Variants in SPOCK2 observed in about 807,000 individuals in gnomAD.
The protein encoded by SPOCK2 is SPARC (osteonectin), cwcv and kazal like domains proteoglycan 2.
SPOCK2 carries 39 observed loss-of-function variants against 60.1 expected under a neutral mutation model. The observed-to-expected ratio is 0.65, with a 90% CI of 0.50 to 0.85. The LOEUF is 0.85. SPOCK2 is among the 40% of genes least tolerant of loss of function. The probability of loss-of-function intolerance (pLI) is 0.00; values close to 1 mark genes in which losing one functional copy is unlikely to be tolerated. For missense variants in SPOCK2, 523 were observed against 567.4 expected (o/e 0.92, Z 0.80); for synonymous variants, 217 against 231.5 (o/e 0.94, Z 0.57).
intron 5 of SPOCK2, chr10:72,069,336 C>G (rs1232455119): frequency 6.6e-6 from 1 of 152,398 alleles, no homozygotes; most frequent in East Asian, 1.9e-4. Context: ...AAATCTGCAT[C>G]TCACTCCAAG....
chr10:72,067,273 G>A (rs1044391701), intron 7 of SPOCK2, among the ~76,000 whole-genome samples, 153 bp from the exon 8 acceptor site: 3 of 152,170 alleles, frequency 2.0e-5, no homozygotes, highest in African/African-American at 7.2e-5. Context: ...CGAGAACGGC[G>A]AAAGGTCCTT....
chr10:72,080,893 G>A (rs1366139464), intron 1 of SPOCK2, among the ~76,000 whole-genome samples: 1 of 152,168 alleles, frequency 6.6e-6, no homozygotes, highest in Non-Finnish European at 1.5e-5. Context: ...CTGGTCCAGT[G>A]GCATCTTGGT....
Position 72,062,738 on chromosome 10 carries a change from G to C in SPOCK2, c.*22C>G. 1 of 1,588,688 alleles carries C rather than the reference G, an allele frequency of 6.3e-7. No individual in the cohort carries two copies. Among genetic ancestry groups the C allele is most frequent in the Non-Finnish European group, 8.5e-7 (1 of 1,174,052 alleles). On this transcript the variant is annotated 3_prime_UTR_variant, in exon 11 of 11. Transcript: ENST00000373109. This position sits in a 1 kb window ranked among gnomAD's most constrained non-coding sequence, Gnocchi z 4.3. ...AGAGCTCTGCTGTTGAGTCCCCCCC[G>C]GCAGCCGGCTCCTGAGGGCGTCTAC... is the stretch of plus-strand genomic sequence containing the variant.
intron 1 of SPOCK2, among the ~76,000 whole-genome samples, chr10:72,074,669 C>CT (rs1314345500): frequency 6.6e-6 from 1 of 152,212 alleles, no homozygotes; most frequent in Non-Finnish European, 1.5e-5. Context: ...GCTGGCCTTC[C>CT]TGCCTCTTCC....
intron 1 of SPOCK2, among the ~76,000 whole-genome samples, chr10:72,079,185 A>G (rs542273541): frequency 6.6e-6 from 1 of 152,320 alleles, no homozygotes; most frequent in South Asian, 2.1e-4. Context: ...AGAGTGCTGC[A>G]CCCAGAACTG....
At chr10:72,077,400 G>A (rs1840727322) in intron 1 of SPOCK2, among the ~76,000 whole-genome samples, 1 of 152,134 alleles carries the variant, frequency 6.6e-6, no homozygotes, top group Non-Finnish European at 1.5e-5. Context: ...AAAGCACTGG[G>A]GTTACAGGCA....
chr10:72,067,432 G>C (rs1564546495), intron 7 of SPOCK2, among the ~76,000 whole-genome samples, 181 bp downstream of exon 7: 1 of 152,144 alleles, frequency 6.6e-6, no homozygotes, highest in Non-Finnish European at 1.5e-5. Flanking sequence ...CTAGCTAACT[G>C]GTATCCCTCC....
At chr10:72,064,791 C>A (rs924653856) in intron 8 of SPOCK2, among the ~76,000 whole-genome samples, 4 of 152,046 alleles carry the variant, frequency 2.6e-5, no homozygotes, top group African/African-American at 9.7e-5. Flanking sequence ...AGTGCATTGG[C>A]GCGATCTCGG....
chr10:72,074,725 C>A (rs769504935), intron 1 of SPOCK2, among the ~76,000 whole-genome samples: 1 of 152,156 alleles, frequency 6.6e-6, no homozygotes, highest in Non-Finnish European at 1.5e-5. Context: ...ATGGGGAGGG[C>A]GGGAGGACCG....
At chr10:72,064,855 C>T (rs1462944882) in intron 8 of SPOCK2, among the ~76,000 whole-genome samples, 3 of 151,572 alleles carry the variant, frequency 2.0e-5, no homozygotes, top group East Asian at 1.9e-4. Flanking sequence ...CTCAGCCTCC[C>T]GAGCAGCTGG....
rs116578657 is a variant in SPOCK2, at chr10:72,082,298, G to A, written c.189+5842C>T. 3.1e-3 allele frequency among the ~76,000 whole-genome samples: 471 copies of A among 152,348 alleles called. 3 individuals are homozygous for A. Among genetic ancestry groups the A allele is most frequent in the African/African-American group, 0.01 (435 of 41,574 alleles). On this transcript the variant is annotated intron_variant, in intron 1 of 10. Coordinates refer to ENST00000373109, the MANE Select transcript of SPOCK2 (RefSeq NM_001244950.2). ...GGCCAGGTCTGCACACTGAGGCTGG[G>A]CACAGTGGTATCTAAACTGTGTATG... is the stretch of plus-strand genomic sequence containing the variant.
chr10:72,070,494 G>A, intron 4 of SPOCK2, 68 bp from the exon 5 acceptor site: 1 of 1,481,836 alleles, frequency 6.7e-7, no homozygotes, highest in Non-Finnish European at 9.4e-7. Flanking sequence ...GGAAGGGAGG[G>A]CTGAGCAGAC....
rs767656881 is a variant in SPOCK2, at chr10:72,072,566, A to G, written c.199-18T>C. ...TAGTCATCCTAGAGGACAGAGAGGG[A>G]CAAGGGAGAAGGGAAAGGCTAAGAT... On this transcript the variant is annotated intron_variant, in intron 2 of 10. Transcript: ENST00000373109. 6.2e-7 allele frequency: 1 copy of G among 1,613,874 alleles called. No homozygotes were observed. Among genetic ancestry groups the G allele is most frequent in the South Asian group, 1.1e-5 (1 of 91,046 alleles).
At chr10:72,078,946 C>A (rs965177406) in intron 1 of SPOCK2, among the ~76,000 whole-genome samples, 5 of 152,194 alleles carry the variant, frequency 3.3e-5, no homozygotes, top group Admixed American at 6.5e-5. Context: ...TCTCTCTATG[C>A]CCAACATCTA....
rs1294931341 is a variant in SPOCK2, at chr10:72,087,346, G to A, written c.189+794C>T. Among the ~76,000 whole-genome samples the A allele has an allele frequency of 6.6e-6, 1 of 152,012 alleles. No individual in the cohort carries two copies. Among genetic ancestry groups the A allele is most frequent in the African/African-American group, 2.4e-5 (1 of 41,400 alleles). ...AAGGTTACGCCGGGGTTCGGGCGGC[G>A]CCCGCCGGGGGCCCCCAAACCCAGC... On this transcript the variant is annotated intron_variant, in intron 1 of 10. Transcript: ENST00000373109. This position sits in a 1 kb window ranked among gnomAD's most constrained non-coding sequence, Gnocchi z 4.7.
chr10:72,072,921 G>T lies in SPOCK2; in HGVS notation c.190-11C>A. On this transcript the variant is annotated splice_polypyrimidine_tract_variant and intron_variant, in intron 1 of 10. Coordinates refer to ENST00000373109, the MANE Select transcript of SPOCK2 (RefSeq NM_001244950.2). The stretch of plus-strand genomic sequence containing the variant: ...ACTCACCTCCACTTCCTGGAGATCA[G>T]GGAACAGCAGCAGGCCATGGAAAAC... The T allele has an allele frequency of 6.4e-7, 1 of 1,554,984 alleles. No homozygotes were observed. The highest frequency in any genetic ancestry group is 2.4e-5 in the East Asian group (1 of 41,244).
In SPOCK2 at chr10:72,062,406, A is replaced by G. The variant is rs1589115916; in HGVS notation, c.*354T>C. On this transcript the variant is annotated 3_prime_UTR_variant, in exon 11 of 11. Transcript: ENST00000373109. The surrounding 1 kb of genome is among the most constrained non-coding windows in gnomAD (Gnocchi z 4.3). ...CATGGATTTTGACCTGTCAATTTGT[A>G]TTTGTGTGTGAATGTATTTTAAAAC... 3.8e-6 allele frequency: 1 copy of G among 264,712 alleles called. No individual in the cohort carries two copies. The highest frequency in any genetic ancestry group is 2.2e-5 in the African/African-American group (1 of 44,606). The allele number at this position is 264,712 out of a possible 1,614,324, so 16.4% of individuals were successfully genotyped here.
intron 9 of SPOCK2, among the ~76,000 whole-genome samples, chr10:72,063,542 C>T (rs894116482): frequency 3.9e-5 from 6 of 152,218 alleles, no homozygotes; most frequent in Non-Finnish European, 5.9e-5. Flanking sequence ...GCTAGGAAGG[C>T]CCAGCCTTCT....
At position 72,065,194 on chromosome 10, in the gene SPOCK2, C is replaced by A. The variant is rs12263361; in HGVS notation, c.929-954G>T. On this transcript the variant is annotated intron_variant, in intron 8 of 10. Coordinates refer to ENST00000373109, the MANE Select transcript of SPOCK2 (RefSeq NM_001244950.2). Reference sequence around the variant, plus strand: ...GAGATTACAGGCACCTGCCACCATGCCTGGCTAATTTTTGTATTTTTAGTA... The same window carrying A: ...GAGATTACAGGCACCTGCCACCATGACTGGCTAATTTTTGTATTTTTAGTA... 9.3e-3 allele frequency among the ~76,000 whole-genome samples: 1,209 copies of A among 130,268 alleles called. 150 individuals are homozygous for A. Among genetic ancestry groups the A allele is most frequent in the African/African-American group, 0.029 (1,143 of 39,922 alleles). 85.5% of individuals were successfully genotyped at this position (130,268 alleles called of 152,430 possible).
Sources: gnomAD v4.1 joint callset for allele counts (sites outside exome capture counted in the v4.1 genomes callset) on GRCh38, gnomAD v4.1.1 for gene constraint, Gnocchi (gnomAD v3.1) non-coding constraint, MANE v1.5 for transcripts, NCBI Gene and HGNC (gene_info 2026-07-23, HGNC 2026-07-21) for gene names.